The following PCBP3 variants were observed in gnomAD, a reference collection of about 807,000 sequenced individuals.
PCBP3 encodes the protein poly(rC)-binding protein 3.
In PCBP3, 25 loss-of-function variants were observed where a neutral mutation model predicts 52.7. The ratio of observed to expected loss-of-function variants is 0.47; its 90% CI spans 0.35 to 0.66. The LOEUF is 0.66. Ranked by LOEUF, PCBP3 falls within the 30% of genes least tolerant of loss-of-function variation. PCBP3 has a pLI of 0.01. For missense variants in PCBP3, 391 were observed against 490.3 expected, an observed-to-expected ratio of 0.80 and a Z score of 1.91; for synonymous variants, 162 against 183.0, an observed-to-expected ratio of 0.89 and a Z score of 0.93.
intron 4 of PCBP3, among the ~76,000 whole-genome samples, chr21:45,819,791 C>T (rs574375869): frequency 2.0e-5 from 3 of 152,232 alleles, no homozygotes; most frequent in African/African-American, 7.2e-5. Flanking sequence ...TGTACCAGAA[C>T]GTCTAGCAGA....
chr21:45,734,139 T>C (rs2085670441), intron 2 of PCBP3, among the ~76,000 whole-genome samples: 1 of 152,330 alleles, frequency 6.6e-6, no homozygotes, highest in African/African-American at 2.4e-5. Context: ...TTGTTAAGCA[T>C]TGCCTAGTGT....
intron 2 of PCBP3, among the ~76,000 whole-genome samples, chr21:45,707,743 T>C (rs1603297581): frequency 6.6e-6 from 1 of 152,100 alleles, no homozygotes; most frequent in African/African-American, 2.4e-5. Context: ...ATAGTGGAGG[T>C]GATAGTCCTG....
chr21:45,820,872 T>C (rs8129037), intron 4 of PCBP3, among the ~76,000 whole-genome samples: 2 of 152,132 alleles, frequency 1.3e-5, no homozygotes, highest in Admixed American at 1.3e-4. Flanking sequence ...ATCTGGGCTG[T>C]GTGCCCCGCC....
In PCBP3 at chr21:45,941,695, G is replaced by C. The variant is rs998844535; in HGVS notation, c.1105G>C (p.Gly369Arg). The change falls in exon 18 of 18, where the codon GGC becomes CGC. Residue 369 changes from glycine (G) to arginine (R), a missense_variant. Gly to Arg is a moderately radical substitution (Grantham distance 125, BLOSUM62 -2). Coordinates refer to ENST00000681687, the MANE Select transcript of PCBP3 (RefSeq NM_001384156.1). ...ARLTSEVTGM[G>R]TL is the part of the protein sequence containing the mutation. ...GCTGACGTCCGAGGTCACCGGGATG[G>C]GCACGCTGTAATCCTACCCAGCACC... The C allele has an allele frequency of 1.2e-6, 2 of 1,606,114 alleles. No individual in the cohort carries two copies. Among genetic ancestry groups the C allele is most frequent in the African/African-American group, 2.7e-5 (2 of 74,614 alleles).
chr21:45,861,581 C>T (rs576288685), intron 5 of PCBP3, among the ~76,000 whole-genome samples: 27 of 152,214 alleles, frequency 1.8e-4, no homozygotes, highest in African/African-American at 6.3e-4. Context: ...AGATGCAGAG[C>T]GAGAGTTGTC....
At chr21:45,834,129 G>C (rs1284481756) in intron 4 of PCBP3, among the ~76,000 whole-genome samples, 1 of 152,056 alleles carries the variant, frequency 6.6e-6, no homozygotes, top group African/African-American at 2.4e-5. Context: ...ACCGATTCAC[G>C]AGTCCACGGG....
In PCBP3 at chr21:45,821,819, G is replaced by A. The variant is rs900723637; in HGVS notation, c.-125-28142G>A. On this transcript the variant is annotated intron_variant, in intron 4 of 17. Transcript: ENST00000681687. The surrounding 1 kb of genome is among the most constrained non-coding windows in gnomAD (Gnocchi z 4.4). ...AGGTCATGGGAGGCAGCAGAGCCCA[G>A]CCCTGGCCCTTCGAGCTTCCGTCCT... 6.6e-6 allele frequency among the ~76,000 whole-genome samples: 1 copy of A among 152,342 alleles called. No homozygotes were observed. Among genetic ancestry groups the A allele is most frequent in the South Asian group, 2.1e-4 (1 of 4,830 alleles).
At chr21:45,834,836 T>C (rs2093542846) in intron 4 of PCBP3, among the ~76,000 whole-genome samples, 1 of 152,348 alleles carries the variant, frequency 6.6e-6, no homozygotes, top group Middle Eastern at 3.4e-3. Flanking sequence ...GGCACGCTTT[T>C]CGGCAGAGCC....
chr21:45,816,228 TTATGA>T (rs1176520176), intron 4 of PCBP3, among the ~76,000 whole-genome samples: 1 of 151,966 alleles, frequency 6.6e-6, no homozygotes, highest in Non-Finnish European at 1.5e-5. Context: ...TATGCTAAAT[TTATGA>T]TATAACAAAA....
Position 45,917,885 on chromosome 21 carries a change from C to A in PCBP3, c.717+256C>A. ...CCGCAGTCCTGGGTTTTCCTCCCTC[C>A]CACGGGGCCTGGGAGGGAACTGAGA... On this transcript the variant is annotated intron_variant, in intron 13 of 17. Transcript: ENST00000681687. The surrounding 1 kb of genome is among the most constrained non-coding windows in gnomAD (Gnocchi z 5.3). The A allele has an allele frequency of 1.9e-6, 1 of 520,428 alleles. No individual in the cohort carries two copies. Among genetic ancestry groups the A allele is most frequent in the Non-Finnish European group, 3.6e-6 (1 of 279,392 alleles). The allele number at this position is 520,428 out of a possible 1,614,324, so 32.2% of individuals were successfully genotyped here. A position where few individuals can be genotyped will look rare whatever the true frequency, so the allele number is the denominator to read the frequency against.
At chr21:45,916,456 G>T (rs1033818194) in intron 12 of PCBP3, 2 of 152,282 alleles carry the variant, frequency 1.3e-5, no homozygotes, top group Admixed American at 1.3e-4. Flanking sequence ...TTCAAAGCTG[G>T]GCTGCAGCCG....
At chr21:45,867,927 G>A (rs947177651) in intron 5 of PCBP3, among the ~76,000 whole-genome samples, 3 of 152,244 alleles carry the variant, frequency 2.0e-5, no homozygotes, top group African/African-American at 7.2e-5. Context: ...ACACAGCGGG[G>A]AAGAGTCTCA....
chr21:45,787,680 G>T (rs968252552), intron 4 of PCBP3, among the ~76,000 whole-genome samples: 2 of 152,194 alleles, frequency 1.3e-5, no homozygotes, highest in African/African-American at 4.8e-5. Context: ...ACACAGCAGT[G>T]GGGGACATCC....
At chr21:45,647,604 G>T (rs369110799) in intron 1 of PCBP3, among the ~76,000 whole-genome samples, 1 of 152,198 alleles carries the variant, frequency 6.6e-6, no homozygotes, top group Non-Finnish European at 1.5e-5. Flanking sequence ...AAAAAGACTG[G>T]AAGGTTGGAA....
At chr21:45,785,425 A>G (rs2091051944) in intron 4 of PCBP3, among the ~76,000 whole-genome samples, 1 of 145,896 alleles carries the variant, frequency 6.9e-6, no homozygotes, top group African/African-American at 2.6e-5. Flanking sequence ...GGAAGTGAGG[A>G]GCCCCTCTGC....
chr21:45,679,078 A>AT (rs34808106), intron 2 of PCBP3, among the ~76,000 whole-genome samples: 4,009 of 120,764 alleles, frequency 0.033, 177 homozygotes, highest in African/African-American at 0.11. Flanking sequence ...GATTGTTAGC[A>AT]TTTTTTTTTT....
rs2839007 is a variant in PCBP3 at position 45,821,950 on chromosome 21, C to T, written c.-125-28011C>T. 0.32 allele frequency among the ~76,000 whole-genome samples: 48,108 copies of T among 152,166 alleles called. 9,053 individuals are homozygous for T. Among genetic ancestry groups the T allele is most frequent in the East Asian group, 0.65 (3,378 of 5,166 alleles). On this transcript the variant is annotated intron_variant, in intron 4 of 17. Transcript: ENST00000681687. The surrounding 1 kb of genome is among the most constrained non-coding windows in gnomAD (Gnocchi z 4.4). ...CCTGCTCTCATCATTTTCCTACCTT[C>T]TCTTTCCTGACAACTTAGCTATTTA...
chr21:45,914,338 A>G (rs2096463838), intron 12 of PCBP3: 2 of 516,186 alleles, frequency 3.9e-6, no homozygotes, highest in Non-Finnish European at 6.8e-6. Context: ...GCCGGCGCGC[A>G]GGCGCTTTCT....
chr21:45,893,290 C>T lies in PCBP3; in HGVS notation c.11-2918C>T, dbSNP rs1210397573. Among the ~76,000 whole-genome samples, 5 of 142,258 alleles carry T rather than the reference C, an allele frequency of 3.5e-5. No homozygotes were observed. In the East Asian group the frequency reaches 1.0e-3, roughly 29 times the overall value. 93.3% of individuals were successfully genotyped at this position (142,258 alleles called of 152,430 possible). On this transcript the variant is annotated intron_variant, in intron 5 of 17. Transcript: ENST00000681687. ...GAGGCATCCCTGGCACCTGTCACAGCAGGGGCTGGAGGGTGGGGCAGGAGC... is the reference window on the plus strand; with the variant it reads ...GAGGCATCCCTGGCACCTGTCACAGTAGGGGCTGGAGGGTGGGGCAGGAGC...
Sources: gnomAD v4.1 joint callset for allele counts (sites outside exome capture counted in the v4.1 genomes callset) on GRCh38, gnomAD v4.1.1 for gene constraint, Gnocchi (gnomAD v3.1) non-coding constraint, MANE v1.5 for transcripts, NCBI Gene and HGNC (gene_info 2026-07-23, HGNC 2026-07-21) for gene names.